PLCB1: variants seen among roughly 807,000 people sequenced by gnomAD.
PLCB1 encodes the protein 1-phosphatidylinositol 4,5-bisphosphate phosphodiesterase beta-1.
PLCB1 carries 46 observed loss-of-function variants against 161.8 expected under a neutral mutation model. That is an observed-to-expected ratio of 0.28 (90% confidence interval 0.22 to 0.36). PLCB1 has a LOEUF of 0.36. Among genes scored for constraint, PLCB1 ranks in the 10% least tolerant of loss-of-function variants. PLCB1 has a pLI of 1.00. For synonymous variants in PLCB1, 517 were observed against 503.7 expected (o/e 1.03, Z -0.35); for missense variants, 1,016 against 1,472.5 (o/e 0.69, Z 5.07).
chr20:8,204,992 A>T (rs1978450980), intron 2 of PLCB1, among the ~76,000 whole-genome samples: 1 of 152,068 alleles, frequency 6.6e-6, no homozygotes, highest in Non-Finnish European at 1.5e-5. Flanking sequence ...GCCATCTGTG[A>T]TAATAAGTTA....
intron 9 of PLCB1, among the ~76,000 whole-genome samples, chr20:8,676,700 C>T (rs1990086567): frequency 6.6e-6 from 1 of 152,182 alleles, no homozygotes; most frequent in South Asian, 2.1e-4. Context: ...AACTCTCATA[C>T]TTTTCAAGCA....
At chr20:8,405,344 G>A (rs1226528336) in intron 3 of PLCB1, among the ~76,000 whole-genome samples, 2 of 152,070 alleles carry the variant, frequency 1.3e-5, no homozygotes, top group African/African-American at 4.8e-5. Context: ...TCCACCCTGG[G>A]GATATCCTCA....
chr20:8,441,933 A>T (rs1980578569), intron 3 of PLCB1, among the ~76,000 whole-genome samples: 1 of 152,228 alleles, frequency 6.6e-6, no homozygotes, highest in Non-Finnish European at 1.5e-5. Flanking sequence ...AATATAGAAA[A>T]CAAGGAATCC....
intron 3 of PLCB1, among the ~76,000 whole-genome samples, chr20:8,509,282 C>T (rs1274497496): frequency 3.3e-5 from 5 of 152,276 alleles, no homozygotes; most frequent in East Asian, 1.9e-4. Context: ...GAAATAGTTC[C>T]GTGCTTCAAC....
intron 3 of PLCB1, among the ~76,000 whole-genome samples, chr20:8,554,019 T>G (rs1029464922): frequency 3.3e-5 from 5 of 151,424 alleles, no homozygotes; most frequent in Non-Finnish European, 5.9e-5. Context: ...ACAGCAAAAC[T>G]GCTGTTTAAC....
intron 7 of PLCB1, among the ~76,000 whole-genome samples, chr20:8,655,908 C>T (rs559209251): frequency 6.6e-6 from 1 of 152,092 alleles, no homozygotes; most frequent in South Asian, 2.1e-4. Flanking sequence ...GAGGGTGGTA[C>T]TGAAAAGTGA....
chr20:8,587,997 G>A (rs537109555), intron 3 of PLCB1, among the ~76,000 whole-genome samples: 21 of 152,298 alleles, frequency 1.4e-4, no homozygotes, highest in Admixed American at 3.9e-4. Context: ...GTGAAACCAA[G>A]TCTGTACCAG....
At chr20:8,582,961 C>T (rs1474727820) in intron 3 of PLCB1, among the ~76,000 whole-genome samples, 2 of 146,918 alleles carry the variant, frequency 1.4e-5, no homozygotes, top group Non-Finnish European at 3.0e-5. Context: ...TGCACTCTAG[C>T]CTGGGTGACA....
intron 2 of PLCB1, among the ~76,000 whole-genome samples, chr20:8,230,106 A>G (rs1210360113): frequency 6.6e-6 from 1 of 150,996 alleles, no homozygotes; most frequent in Non-Finnish European, 1.5e-5. Flanking sequence ...AACAGAAAAC[A>G]AAGTAGGCCT....
chr20:8,868,296 G>A (rs1257940963), intron 31 of PLCB1, among the ~76,000 whole-genome samples: 1 of 152,206 alleles, frequency 6.6e-6, no homozygotes, highest in African/African-American at 2.4e-5. Flanking sequence ...ATTTAGAAAT[G>A]TGCTGGGCTA....
intron 31 of PLCB1, among the ~76,000 whole-genome samples, chr20:8,856,233 G>T (rs552403804): frequency 7.2e-5 from 11 of 152,002 alleles, no homozygotes; most frequent in African/African-American, 2.4e-4. Flanking sequence ...TATCTTAGTT[G>T]TTTTAACTTC....
chr20:8,333,934 GCGCGGTGGCTCA>G (rs1985462712), intron 2 of PLCB1, among the ~76,000 whole-genome samples: 1 of 152,236 alleles, frequency 6.6e-6, no homozygotes, highest in South Asian at 2.1e-4. Context: ...TTTGGGCCTG[GCGCGGTGGCTCA>G]CGCCTATAAT....
chr20:8,257,023 T>G (rs1568607566), intron 2 of PLCB1: 1 of 152,168 alleles, frequency 6.6e-6, no homozygotes. Flanking sequence ...GAACTGTAAA[T>G]CAAACCAAAT....
At chr20:8,811,267 G>A (rs1984807749) in intron 31 of PLCB1, among the ~76,000 whole-genome samples, 1 of 152,206 alleles carries the variant, frequency 6.6e-6, no homozygotes, top group Admixed American at 6.5e-5. Flanking sequence ...CCAGGAACAG[G>A]AGACAGCTTA....
At chr20:8,482,092 A>ATTTTTTTTTTTTTTTTTTT (rs199634903) in intron 3 of PLCB1, among the ~76,000 whole-genome samples, 3 of 104,882 alleles carry the variant, frequency 2.9e-5, no homozygotes, top group African/African-American at 4.2e-5. Context: ...GCTTGAAGGA[A>ATTTTTTTTTTTTTTTTTTT]TTTTTTTTTT....
At chr20:8,158,274 G>A (rs1293184725) in intron 2 of PLCB1, among the ~76,000 whole-genome samples, 6 of 152,166 alleles carry the variant, frequency 3.9e-5, no homozygotes, top group Non-Finnish European at 7.3e-5. Flanking sequence ...AATTACAAAT[G>A]TTGTAGGTAG....
intron 3 of PLCB1, among the ~76,000 whole-genome samples, chr20:8,395,310 T>G (rs1160213194): frequency 6.6e-6 from 1 of 152,032 alleles, no homozygotes; most frequent in East Asian, 1.9e-4. Flanking sequence ...TTAATCAATT[T>G]GCTTGCAATT....
intron 31 of PLCB1, among the ~76,000 whole-genome samples, chr20:8,850,052 A>G (rs563036999): frequency 1.3e-5 from 2 of 152,326 alleles, no homozygotes; most frequent in East Asian, 1.9e-4. Context: ...CCTAGAACTC[A>G]TGTGCTCTAA....
intron 3 of PLCB1, among the ~76,000 whole-genome samples, chr20:8,620,747 C>CAAAAAAAAAAA (rs779029928): frequency 2.4e-4 from 18 of 75,196 alleles, no homozygotes; most frequent in South Asian, 7.7e-4. Context: ...CTGCCCCCAC[C>CAAAAAAAAAAA]AAAAAAAAAA....
Sources: gnomAD v4.1 joint callset for allele counts (sites outside exome capture counted in the v4.1 genomes callset) on GRCh38, gnomAD v4.1.1 for gene constraint, MANE v1.5 for transcripts, NCBI Gene and HGNC (gene_info 2026-07-23, HGNC 2026-07-21) for gene names.